Variants in OPCML observed in about 807,000 individuals in gnomAD.
OPCML encodes the protein opioid binding protein/cell adhesion molecule like, also known as opioid-binding protein/cell adhesion molecule.
In OPCML, 13 loss-of-function variants were observed where a neutral mutation model predicts 37.8. The ratio of observed to expected loss-of-function variants is 0.34; its 90% CI spans 0.22 to 0.55. The LOEUF is 0.55. OPCML is among the 20% of genes least tolerant of loss of function. The pLI is 0.91. For missense variants in OPCML, 341 were observed against 435.6 expected, an observed-to-expected ratio of 0.78 and a Z score of 1.93; for synonymous variants, 176 against 168.8, an observed-to-expected ratio of 1.04 and a Z score of -0.33.
chr11:133,406,746 G>C (rs112752992), intron 1 of OPCML, among the ~76,000 whole-genome samples: 14 of 152,204 alleles, frequency 9.2e-5, no homozygotes, highest in Non-Finnish European at 1.5e-4. Flanking sequence ...TGCAATAATT[G>C]TAAATTCAGA....
At chr11:132,809,905 A>C (rs569635753) in intron 2 of OPCML, among the ~76,000 whole-genome samples, 1 of 152,126 alleles carries the variant, frequency 6.6e-6, no homozygotes, top group Non-Finnish European at 1.5e-5. Context: ...GCTGGAGTGC[A>C]GTGGCGCGAT....
intron 1 of OPCML, among the ~76,000 whole-genome samples, chr11:133,493,580 A>T (rs1379281996): frequency 6.6e-6 from 1 of 152,184 alleles, no homozygotes; most frequent in Non-Finnish European, 1.5e-5. Context: ...AAGGCAGTAT[A>T]ACCTATTTCT....
intron 2 of OPCML, among the ~76,000 whole-genome samples, chr11:132,688,007 T>C (rs1438215955): frequency 1.3e-5 from 2 of 152,182 alleles, no homozygotes; most frequent in Non-Finnish European, 2.9e-5. Flanking sequence ...ACAAAGGCAC[T>C]TAATCATTCT....
chr11:133,213,521 A>G (rs1197694209), intron 1 of OPCML, among the ~76,000 whole-genome samples: 1 of 152,160 alleles, frequency 6.6e-6, no homozygotes, highest in Non-Finnish European at 1.5e-5. Context: ...TAGCAAATGG[A>G]GGGGCTTTAA....
chr11:133,271,320 T>C (rs1941824188), intron 1 of OPCML, among the ~76,000 whole-genome samples: 1 of 152,180 alleles, frequency 6.6e-6, no homozygotes, highest in South Asian at 2.1e-4. Flanking sequence ...TGTTAAGGGA[T>C]AAAGCACACA....
intron 1 of OPCML, among the ~76,000 whole-genome samples, chr11:133,210,538 T>C (rs537230615): frequency 2.0e-5 from 3 of 152,320 alleles, no homozygotes; most frequent in Non-Finnish European, 2.9e-5. Flanking sequence ...TGACTGAACC[T>C]CTTTCCTTTT....
At chr11:133,226,916 T>C (rs1940064101) in intron 1 of OPCML, among the ~76,000 whole-genome samples, 1 of 152,150 alleles carries the variant, frequency 6.6e-6, no homozygotes, top group Non-Finnish European at 1.5e-5. Context: ...CACATATAGC[T>C]CAGTAGACTC....
At chr11:132,910,284 G>A (rs1254030576) in intron 2 of OPCML, among the ~76,000 whole-genome samples, 3 of 152,182 alleles carry the variant, frequency 2.0e-5, no homozygotes, top group South Asian at 2.1e-4. Flanking sequence ...CATATTCGCC[G>A]GCCATTATGC....
intron 1 of OPCML, chr11:133,009,410 G>A: frequency 4.6e-6 from 1 of 218,818 alleles, no homozygotes; most frequent in Non-Finnish European, 7.7e-6. Context: ...TGGCACTTTT[G>A]TTCCTAAAAT....
intron 3 of OPCML, among the ~76,000 whole-genome samples, chr11:132,577,580 A>G (rs1379841431): frequency 6.6e-6 from 1 of 152,150 alleles, no homozygotes; most frequent in Non-Finnish European, 1.5e-5. Flanking sequence ...GAAAGGTAAC[A>G]CAAATACTCA....
At chr11:132,933,543 T>C (rs1046351937) in intron 2 of OPCML, among the ~76,000 whole-genome samples, 8 of 152,048 alleles carry the variant, frequency 5.3e-5, no homozygotes, top group African/African-American at 1.9e-4. Context: ...TCAACATGGA[T>C]GAGAATATCT....
chr11:132,726,627 T>G (rs1378840591), intron 2 of OPCML, among the ~76,000 whole-genome samples: 5 of 152,088 alleles, frequency 3.3e-5, no homozygotes, highest in African/African-American at 1.2e-4. Context: ...TGATTCCTTG[T>G]AGAACCAAAG....
intron 1 of OPCML, among the ~76,000 whole-genome samples, chr11:132,955,883 A>C (rs1044484644): frequency 1.5e-4 from 23 of 152,198 alleles, no homozygotes; most frequent in African/African-American, 5.3e-4. Flanking sequence ...ACACCATCTC[A>C]AAAACAAAAC....
intron 1 of OPCML, among the ~76,000 whole-genome samples, chr11:133,407,538 C>T (rs990446409): frequency 1.3e-5 from 2 of 152,048 alleles, no homozygotes; most frequent in Non-Finnish European, 2.9e-5. Context: ...TCCACATCCA[C>T]TCCACTACCA....
At chr11:133,194,876 G>A (rs1425212466) in intron 1 of OPCML, among the ~76,000 whole-genome samples, 1 of 152,122 alleles carries the variant, frequency 6.6e-6, no homozygotes, top group Non-Finnish European at 1.5e-5. Context: ...TTGTTCAGCT[G>A]GCTTCCAGCA....
chr11:132,916,318 G>A (rs1287493029), intron 2 of OPCML, among the ~76,000 whole-genome samples: 2 of 152,042 alleles, frequency 1.3e-5, no homozygotes, highest in Admixed American at 1.3e-4. Context: ...CCACCCATGA[G>A]GGCCCCTTTT....
At chr11:132,549,849 G>T (rs2137423066) in intron 3 of OPCML, among the ~76,000 whole-genome samples, 1 of 152,250 alleles carries the variant, frequency 6.6e-6, no homozygotes, top group Middle Eastern at 3.4e-3. Context: ...ATGTAAATCA[G>T]AGCCCACCTC....
At chr11:132,907,168 G>A (rs1347874071) in intron 2 of OPCML, among the ~76,000 whole-genome samples, 1 of 152,052 alleles carries the variant, frequency 6.6e-6, no homozygotes, top group Non-Finnish European at 1.5e-5. Flanking sequence ...CTCCCAACAG[G>A]GGGCCGCAGC....
chr11:132,913,656 C>T (rs1428081043), intron 2 of OPCML, among the ~76,000 whole-genome samples: 1 of 152,192 alleles, frequency 6.6e-6, no homozygotes, highest in African/African-American at 2.4e-5. Flanking sequence ...GCTCAACCCG[C>T]ACTGCCTTGG....
Sources: allele counts gnomAD v4.1 joint callset (sites outside exome capture counted in the v4.1 genomes callset), GRCh38; gene constraint gnomAD v4.1.1; transcripts MANE v1.5; gene names NCBI Gene and HGNC (gene_info 2026-07-23, HGNC 2026-07-21).